ZNF565: variants seen among roughly 807,000 people sequenced by gnomAD.
ZNF565 encodes the protein zinc finger protein 565.
A neutral mutation model predicts 39.4 loss-of-function variants in ZNF565; 27 were observed. The observed-to-expected ratio is 0.69, with a 90% CI of 0.51 to 0.95. ZNF565 has a LOEUF of 0.95. Ranked by LOEUF, ZNF565 falls within the 40% of genes least tolerant of loss-of-function variation. ZNF565 has a pLI of 0.00. For synonymous variants in ZNF565, 185 were observed against 216.6 expected (o/e 0.85, Z 1.28); for missense variants, 524 against 621.1 (o/e 0.84, Z 1.66).
rs1365897766 is a variant in ZNF565, at chr19:36,227,330, A to T, written c.55+18146T>A. Reference sequence around the variant, plus strand: ...CTTGAACCCGGGAGGCAGAGGTTGCAGTGAGCAGAGATCACGTCACTGCAC... The same window carrying T: ...CTTGAACCCGGGAGGCAGAGGTTGCTGTGAGCAGAGATCACGTCACTGCAC... On this transcript the variant is annotated intron_variant, in intron 1 of 4. Coordinates refer to the ZNF565 transcript ENST00000355114. Among the ~76,000 whole-genome samples the T allele has an allele frequency of 5.3e-5, 8 of 151,198 alleles. No individual in the cohort carries two copies. The East Asian group carries it at 1.6e-3, about 29-fold the overall frequency.
At chr19:36,220,015 C>T (rs993806223) in intron 1 of ZNF565, among the ~76,000 whole-genome samples, 1 of 152,144 alleles carries the variant, frequency 6.6e-6, no homozygotes, top group Admixed American at 6.5e-5. Flanking sequence ...CTTTTTGATG[C>T]CAGTGGATAC....
chr19:36,240,956 T>TG (rs1300694358), intron 1 of ZNF565, among the ~76,000 whole-genome samples: 1 of 152,166 alleles, frequency 6.6e-6, no homozygotes, highest in Middle Eastern at 3.2e-3. Context: ...TGTCCCCACT[T>TG]GCTGTCTCTT....
intron 1 of ZNF565, among the ~76,000 whole-genome samples, chr19:36,209,887 A>T (rs2145362731): frequency 6.6e-6 from 1 of 151,982 alleles, no homozygotes; most frequent in African/African-American, 2.4e-5. Context: ...TATATATATT[A>T]ATACATATAA....
At chr19:36,201,252 T>C (rs547949531) in intron 2 of ZNF565, among the ~76,000 whole-genome samples, 82 of 152,158 alleles carry the variant, frequency 5.4e-4, no homozygotes, top group Non-Finnish European at 1.0e-3. Flanking sequence ...CAGTGAGCCA[T>C]GACTGCACCA....
At chr19:36,208,963 G>C (rs532987230) in intron 1 of ZNF565, among the ~76,000 whole-genome samples, 1 of 152,138 alleles carries the variant, frequency 6.6e-6, no homozygotes, top group East Asian at 1.9e-4. Context: ...CTCCCAAATA[G>C]CTGGGACTAC....
At chr19:36,197,541 C>T (rs1180829943) in intron 2 of ZNF565, among the ~76,000 whole-genome samples, 2 of 151,980 alleles carry the variant, frequency 1.3e-5, no homozygotes, top group African/African-American at 4.8e-5. Context: ...GGAGGGCAGG[C>T]AGGCAGGCAG....
intron 1 of ZNF565, chr19:36,213,319 C>G (rs1197425742): frequency 6.6e-6 from 1 of 152,312 alleles, no homozygotes; most frequent in Admixed American, 6.5e-5. Flanking sequence ...CGAGATCCTC[C>G]CACCTCAGCT....
In ZNF565 at chr19:36,194,326, G is replaced by C. The variant is rs773419161; in HGVS notation, c.139C>G (p.Leu47Val). Residue 47 changes from leucine (L) to valine (V), a missense_variant and splice_region_variant, in exon 4 of 5, where the codon CTC becomes GTC. Leu to Val is a conservative substitution (Grantham distance 32). Coordinates refer to ENST00000304116, the MANE Select transcript of ZNF565 (RefSeq NM_152477.5). ...ACGACATCAGGCTTAGAAATGGAGA[G>C]TCCTGTTTACAGGAAAAGAAATGGG... The part of the protein sequence containing the change: ...ENFGHLASLG[L>V]SISKPDVVSL... The C allele has an allele frequency of 6.2e-7, 1 of 1,608,158 alleles. No individual in the cohort carries two copies. The highest frequency in any genetic ancestry group is 8.5e-7 in the Non-Finnish European group (1 of 1,177,058).
upstream of ZNF565, among the ~76,000 whole-genome samples, chr19:36,216,452 C>T (rs1976608579): frequency 1.3e-5 from 2 of 151,866 alleles, no homozygotes; most frequent in African/African-American, 2.4e-5. Flanking sequence ...AGGAGCCTGG[C>T]CAACATGGTG....
intron 1 of ZNF565, among the ~76,000 whole-genome samples, chr19:36,230,010 G>A (rs1184363830): frequency 6.6e-6 from 1 of 152,200 alleles, no homozygotes; most frequent in Non-Finnish European, 1.5e-5. Context: ...TTGAGCCACC[G>A]CGCCTGGCTA....
intron 4 of ZNF565, 38 bp from the exon 5 acceptor site, chr19:36,183,771 C>G (rs762223804): frequency 6.5e-6 from 10 of 1,549,890 alleles, no homozygotes; most frequent in African/African-American, 2.8e-5. Flanking sequence ...AGCTGTGATC[C>G]TTCTCTATGA....
chr19:36,218,552 G>C (rs1304489975), upstream of ZNF565, among the ~76,000 whole-genome samples: 1 of 149,886 alleles, frequency 6.7e-6, no homozygotes, highest in African/African-American at 2.5e-5. Flanking sequence ...TGCAGGCTCT[G>C]CCTCCCTGGT....
chr19:36,196,346 G>A lies in ZNF565; in HGVS notation c.10-1190C>T, dbSNP rs141497295. ...CTGCCTCAGCCTCCCAAAGCACTGG[G>A]ATTACAGGCCTGAGCCACTGCACTC... On this transcript the variant is annotated intron_variant, in intron 2 of 4. Transcript: ENST00000304116. Among the ~76,000 whole-genome samples the A allele has an allele frequency of 3.5e-3, 532 of 152,286 alleles. 5 individuals carry two copies. Among genetic ancestry groups the A allele is most frequent in the Middle Eastern group, 6.8e-3 (2 of 294 alleles).
At chr19:36,189,920 G>A (rs945994182) in intron 4 of ZNF565, among the ~76,000 whole-genome samples, 1 of 151,720 alleles carries the variant, frequency 6.6e-6, no homozygotes, top group Non-Finnish European at 1.5e-5. Flanking sequence ...TGCAACCTCC[G>A]CCTCCCGGGT....
intron 1 of ZNF565, chr19:36,236,913 G>A (rs1977664259): frequency 1.2e-6 from 2 of 1,613,994 alleles, no homozygotes; most frequent in African/African-American, 2.7e-5. Context: ...CCTTTTAAAT[G>A]TAGTGAATGT....
chr19:36,190,198 T>C (rs1402682065), intron 4 of ZNF565, among the ~76,000 whole-genome samples: 1 of 152,028 alleles, frequency 6.6e-6, no homozygotes, highest in Non-Finnish European at 1.5e-5. Context: ...ATGTGGTAGG[T>C]GGGATAACGG....
chr19:36,204,170 G>A (rs1220600968), intron 1 of ZNF565, among the ~76,000 whole-genome samples: 1 of 151,922 alleles, frequency 6.6e-6, no homozygotes, highest in Non-Finnish European at 1.5e-5. Context: ...GGCTGGTCTT[G>A]AACTCCTGAG....
upstream of ZNF565, among the ~76,000 whole-genome samples, chr19:36,216,046 C>T (rs1052735055): frequency 1.6e-4 from 24 of 152,084 alleles, no homozygotes; most frequent in African/African-American, 5.6e-4. Flanking sequence ...TCACCCCGCC[C>T]CCGCTGTCGT....
intron 2 of ZNF565, among the ~76,000 whole-genome samples, chr19:36,199,506 CTT>C (rs1183093969): frequency 3.1e-4 from 40 of 128,840 alleles, no homozygotes; most frequent in Admixed American, 4.3e-4. Context: ...CTTTCTTTCT[CTT>C]TTTTTTTTTT....
Sources: allele counts gnomAD v4.1 joint callset (sites outside exome capture counted in the v4.1 genomes callset), GRCh38; gene constraint gnomAD v4.1.1; transcripts MANE v1.5; gene names NCBI Gene and HGNC (gene_info 2026-07-23, HGNC 2026-07-21).